NREP: variants seen among roughly 807,000 people sequenced by gnomAD.
The protein encoded by NREP is neuronal regeneration related protein, also known as neuronal regeneration-related protein.
Under a neutral mutation model 8.6 loss-of-function variants are expected in NREP, and 5 were observed. The observed-to-expected ratio is 0.58, with a 90% CI of 0.30 to 1.22. The LOEUF (loss-of-function observed/expected upper bound fraction) is 1.22, where lower values mean the gene tolerates loss of function less well. NREP is among the 50% of genes most tolerant of loss of function. NREP has a pLI of 0.07. For missense variants in NREP, 86 were observed against 82.5 expected (o/e 1.04, Z -0.17); for synonymous variants, 27 against 28.0 (o/e 0.96, Z 0.11).
chr5:111,962,261 G>A (rs374525129), intron 2 of NREP, among the ~76,000 whole-genome samples: 1 of 151,752 alleles, frequency 6.6e-6, no homozygotes, highest in South Asian at 2.1e-4. Context: ...TTTTAGCTAA[G>A]AATACATGAT....
At chr5:111,818,965 C>T (rs940484617) in intron 2 of NREP, among the ~76,000 whole-genome samples, 2 of 152,096 alleles carry the variant, frequency 1.3e-5, no homozygotes, top group African/African-American at 4.8e-5. Flanking sequence ...AGAGTTGATT[C>T]CCATTATTTA....
At chr5:111,970,843 A>AAT (rs1756795389) in intron 2 of NREP, among the ~76,000 whole-genome samples, 1 of 151,220 alleles carries the variant, frequency 6.6e-6, no homozygotes, top group Admixed American at 6.6e-5. Context: ...AAAAAAAAAA[A>AAT]AAAAAAGAAA....
At chr5:111,970,758 G>T (rs1225839019) in intron 2 of NREP, among the ~76,000 whole-genome samples, 1 of 146,904 alleles carries the variant, frequency 6.8e-6, no homozygotes, top group Admixed American at 7.0e-5. Context: ...CCCAGGAGGC[G>T]GAGGTTGCAG....
chr5:111,763,099 G>A (rs1022133757), intron 2 of NREP, among the ~76,000 whole-genome samples: 3 of 152,194 alleles, frequency 2.0e-5, no homozygotes, highest in African/African-American at 7.2e-5. Flanking sequence ...CAAGTTTCCA[G>A]CTGTATTTAC....
chr5:111,789,393 T>C (rs1292362563), intron 2 of NREP, among the ~76,000 whole-genome samples: 1 of 152,238 alleles, frequency 6.6e-6, no homozygotes, highest in African/African-American at 2.4e-5. Flanking sequence ...ATGTGTATTA[T>C]TCCACCTAAA....
chr5:111,787,900 C>T (rs1751648765), intron 2 of NREP, among the ~76,000 whole-genome samples: 1 of 152,122 alleles, frequency 6.6e-6, no homozygotes, highest in African/African-American at 2.4e-5. Context: ...GAGTTTGAGA[C>T]CAGCCTAGGC....
chr5:111,833,178 T>C (rs898259348), intron 2 of NREP, among the ~76,000 whole-genome samples: 1 of 152,224 alleles, frequency 6.6e-6, no homozygotes, highest in African/African-American at 2.4e-5. Flanking sequence ...AGCCCTCAGA[T>C]GACTGTGAAA....
chr5:111,864,744 T>C (rs1753628025), intron 2 of NREP, among the ~76,000 whole-genome samples: 1 of 152,080 alleles, frequency 6.6e-6, no homozygotes, highest in African/African-American at 2.4e-5. Context: ...CAATGTGTAC[T>C]TTTATATTTT....
In NREP at chr5:111,889,582, G is replaced by T. The variant is rs536877103; in HGVS notation, c.135+85692C>A. 2.0e-5 allele frequency among the ~76,000 whole-genome samples: 3 copies of T among 152,210 alleles called. No homozygotes were observed. In the South Asian group the frequency reaches 6.2e-4, roughly 32 times the overall value. On this transcript the variant is annotated intron_variant, in intron 2 of 3. Transcript: ENST00000395634. ...TACCCCAAAGTTTTAACTCATTTCA[G>T]CATTAACTCAAAAGTCCCAAGTCTC...
chr5:111,866,152 G>A (rs1188685105), intron 2 of NREP, among the ~76,000 whole-genome samples: 3 of 152,066 alleles, frequency 2.0e-5, no homozygotes, highest in Non-Finnish European at 4.4e-5. Context: ...TGGACAAATG[G>A]GATCTAATTA....
chr5:111,884,646 C>G (rs1581190338), intron 2 of NREP, among the ~76,000 whole-genome samples: 2 of 152,118 alleles, frequency 1.3e-5, no homozygotes, highest in African/African-American at 4.8e-5. Flanking sequence ...GGGCTTCATC[C>G]CTGGGATGCA....
chr5:111,975,217 AC>A, intron 2 of NREP: 2 of 1,278,766 alleles, frequency 1.6e-6, no homozygotes, highest in Non-Finnish European at 2.2e-6. Flanking sequence ...TGTGATGGAA[AC>A]CCAACTTGAA....
At chr5:111,820,832 G>C (rs1752499356) in intron 2 of NREP, among the ~76,000 whole-genome samples, 3 of 141,112 alleles carry the variant, frequency 2.1e-5, no homozygotes, top group East Asian at 1.9e-4. Context: ...ATTGATAGAA[G>C]ATAAGGAAAG....
chr5:111,762,001 G>A (rs73787375), upstream of NREP, among the ~76,000 whole-genome samples: 20,251 of 152,112 alleles, frequency 0.13, 3,144 homozygotes, highest in African/African-American at 0.38. Flanking sequence ...ATTTGAGCAC[G>A]GAGAAGGGGC....
intron 2 of NREP, among the ~76,000 whole-genome samples, chr5:111,819,462 T>G (rs1210482150): frequency 6.6e-6 from 1 of 152,200 alleles, no homozygotes; most frequent in African/African-American, 2.4e-5. Context: ...GTCGTACCCT[T>G]CTATAGAAGT....
intron 2 of NREP, among the ~76,000 whole-genome samples, chr5:111,744,202 C>T (rs996961005): frequency 9.9e-5 from 15 of 152,146 alleles, no homozygotes; most frequent in Non-Finnish European, 1.9e-4. Context: ...TCCTCTTCTA[C>T]TGGTAGCTGC....
intron 2 of NREP, among the ~76,000 whole-genome samples, chr5:111,959,014 AG>A (rs1333341970): frequency 6.6e-6 from 1 of 151,808 alleles, no homozygotes; most frequent in Non-Finnish European, 1.5e-5. Flanking sequence ...GTTTTCAGAA[AG>A]AAAAAAAAAT....
intron 2 of NREP, among the ~76,000 whole-genome samples, chr5:111,786,528 A>G (rs954835195): frequency 2.6e-5 from 4 of 152,154 alleles, no homozygotes; most frequent in Non-Finnish European, 5.9e-5. Context: ...TGGATATACT[A>G]TTATTTTTCT....
intron 2 of NREP, among the ~76,000 whole-genome samples, chr5:111,793,489 T>A (rs1294586447): frequency 6.6e-6 from 1 of 152,142 alleles, no homozygotes; most frequent in African/African-American, 2.4e-5. Flanking sequence ...TTCCTCTGCC[T>A]TTTTCTTCTA....
Sources: gnomAD v4.1 joint callset for allele counts (sites outside exome capture counted in the v4.1 genomes callset) on GRCh38, gnomAD v4.1.1 for gene constraint, MANE v1.5 for transcripts, NCBI Gene and HGNC (gene_info 2026-07-23, HGNC 2026-07-21) for gene names.